The following CCNJL variants were observed in gnomAD, a reference collection of about 807,000 sequenced individuals.
CCNJL encodes the protein cyclin J like.
A neutral mutation model predicts 33.4 loss-of-function variants in CCNJL; 33 were observed. That is an observed-to-expected ratio of 0.99 (90% CI 0.75 to 1.32). The LOEUF is 1.32. CCNJL is among the 40% of genes most tolerant of loss of function. The pLI, the probability that CCNJL is intolerant of heterozygous loss-of-function variation, is 0.00. For missense variants in CCNJL, 512 were observed against 499.7 expected, an observed-to-expected ratio of 1.02 and a Z score of -0.23; for synonymous variants, 227 against 220.9, an observed-to-expected ratio of 1.03 and a Z score of -0.24.
At chr5:160,263,043 T>C (rs914719507) in intron 3 of CCNJL, among the ~76,000 whole-genome samples, 15 of 152,236 alleles carry the variant, frequency 9.9e-5, no homozygotes, top group African/African-American at 3.6e-4. Context: ...TGATGCACTT[T>C]TGATTTCGAA....
At chr5:160,331,643 G>A (rs1763610073) in intron 1 of CCNJL, among the ~76,000 whole-genome samples, 1 of 152,074 alleles carries the variant, frequency 6.6e-6, no homozygotes, top group South Asian at 2.1e-4. Context: ...TAACCCTCTT[G>A]ACTTTCTCAT....
At chr5:160,309,916 G>A (rs931975155) in intron 2 of CCNJL, among the ~76,000 whole-genome samples, 1 of 152,208 alleles carries the variant, frequency 6.6e-6, no homozygotes, top group African/African-American at 2.4e-5. Context: ...CAGCCCAATA[G>A]TAAACTCATA....
chr5:160,250,482 C>G lies in CCNJL; in HGVS notation c.*2896G>C, dbSNP rs17057562. The G allele has an allele frequency of 0.069, 10,578 of 152,344 alleles. 420 individuals are homozygous for G. Among genetic ancestry groups the G allele is most frequent in the Middle Eastern group, 0.18 (52 of 294 alleles). The allele number at this position is 152,344 out of a possible 1,614,324, so 9.4% of individuals were successfully genotyped here. On this transcript the variant is annotated 3_prime_UTR_variant, in exon 6 of 6. Coordinates refer to ENST00000257536, the MANE Select transcript of CCNJL (RefSeq NM_001308173.3). The stretch of plus-strand genomic sequence containing the variant: ...ATCTTCCCATTCCTCCCCTAATTGT[C>G]TAATCAAAGGCATCTGCACTTAGCA...
intron 3 of CCNJL, among the ~76,000 whole-genome samples, chr5:160,267,631 G>A (rs1487273847): frequency 6.6e-6 from 1 of 152,124 alleles, no homozygotes; most frequent in African/African-American, 2.4e-5. Context: ...TATCTGGGTG[G>A]AGGAACTTCC....
rs539466352 is a variant in CCNJL, at chr5:160,307,172, A to G, written c.66+4686T>C. Among the ~76,000 whole-genome samples the G allele has an allele frequency of 2.1e-3, 323 of 152,318 alleles. 3 individuals are homozygous for G. Among genetic ancestry groups the G allele is most frequent in the African/African-American group, 7.3e-3 (304 of 41,576 alleles). On this transcript the variant is annotated intron_variant, in intron 2 of 5. Coordinates refer to ENST00000257536, the MANE Select transcript of CCNJL (RefSeq NM_001308173.3). Reference sequence around the variant, plus strand: ...CTGTCTCACTCTTTTGTGCACTCCCAATGCCTGTGCCTGCATCAGGTGAGG... The same window carrying G: ...CTGTCTCACTCTTTTGTGCACTCCCGATGCCTGTGCCTGCATCAGGTGAGG...
At chr5:160,328,473 C>T (rs553950962) in intron 1 of CCNJL, among the ~76,000 whole-genome samples, 40 of 151,728 alleles carry the variant, frequency 2.6e-4, no homozygotes, top group East Asian at 9.7e-4. Flanking sequence ...AGAATAATGG[C>T]GGACTGGGCA....
At chr5:160,325,248 G>T (rs1449910049) in intron 1 of CCNJL, among the ~76,000 whole-genome samples, 4 of 152,082 alleles carry the variant, frequency 2.6e-5, no homozygotes, top group Non-Finnish European at 5.9e-5. Context: ...CTCCATTTTT[G>T]ATTGCTCCAT....
At chr5:160,322,869 C>T (rs771252089) in intron 1 of CCNJL, among the ~76,000 whole-genome samples, 85 of 151,024 alleles carry the variant, frequency 5.6e-4, no homozygotes, top group Admixed American at 2.0e-3. Context: ...GCCGAGATTG[C>T]GCTACTGCAC....
upstream of CCNJL, among the ~76,000 whole-genome samples, chr5:160,317,520 G>C (rs530685901): frequency 3.9e-5 from 6 of 152,278 alleles, no homozygotes; most frequent in African/African-American, 1.4e-4. Context: ...TTCTCTGTTT[G>C]CATGTACTAT....
At chr5:160,298,413 G>T (rs951960535) in intron 2 of CCNJL, among the ~76,000 whole-genome samples, 9 of 152,084 alleles carry the variant, frequency 5.9e-5, no homozygotes, top group African/African-American at 2.2e-4. Flanking sequence ...TTTGCGGGCT[G>T]CACAGCACAG....
At chr5:160,279,422 C>T (rs1023450242) in intron 3 of CCNJL, among the ~76,000 whole-genome samples, 2 of 152,216 alleles carry the variant, frequency 1.3e-5, no homozygotes, top group Admixed American at 1.3e-4. Flanking sequence ...GCCTGGCTCT[C>T]AAGGAACCAT....
At chr5:160,301,687 G>A (rs1244728421) in intron 2 of CCNJL, among the ~76,000 whole-genome samples, 3 of 149,806 alleles carry the variant, frequency 2.0e-5, no homozygotes, top group Non-Finnish European at 3.0e-5. Context: ...CACTTGCCTC[G>A]GCCTCCCAAA....
intron 3 of CCNJL, among the ~76,000 whole-genome samples, chr5:160,265,668 C>A (rs1431750483): frequency 6.6e-6 from 1 of 151,102 alleles, no homozygotes; most frequent in Admixed American, 6.6e-5. Flanking sequence ...CCCAGCCTGG[C>A]CAACATGGTG....
At chr5:160,310,595 C>T (rs1032208301) in intron 2 of CCNJL, among the ~76,000 whole-genome samples, 7 of 152,124 alleles carry the variant, frequency 4.6e-5, no homozygotes, top group African/African-American at 7.2e-5. Context: ...CTGTATTGGG[C>T]GCAGTAGTGT....
intron 1 of CCNJL, among the ~76,000 whole-genome samples, chr5:160,323,757 G>A (rs1174772467): frequency 6.6e-6 from 1 of 152,194 alleles, no homozygotes; most frequent in African/African-American, 2.4e-5. Context: ...GTGGACTGAG[G>A]GAAGCTGACT....
chr5:160,294,011 C>T (rs1215353001), intron 2 of CCNJL, among the ~76,000 whole-genome samples: 22 of 152,104 alleles, frequency 1.4e-4, no homozygotes, highest in Non-Finnish European at 2.9e-5. Context: ...TGGGTTGAGA[C>T]AACAGCTAGA....
At position 160,255,534 on chromosome 5, in the gene CCNJL, A is replaced by G. The variant is rs763151064; in HGVS notation, c.743+15T>C. 5.6e-6 allele frequency: 9 copies of G among 1,613,136 alleles called. No homozygotes were observed. Among genetic ancestry groups the G allele is most frequent in the Non-Finnish European group, 6.8e-6 (8 of 1,179,238 alleles). The stretch of plus-strand genomic sequence containing the variant: ...TCACTATTTCAGAAACACAGGATTC[A>G]GGGGAGAAACTTACACCAGCAGGAT... On this transcript the variant is annotated intron_variant, in intron 5 of 5. Transcript: ENST00000257536.
intron 4 of CCNJL, among the ~76,000 whole-genome samples, chr5:160,257,434 C>G (rs1295739172): frequency 6.6e-6 from 1 of 151,906 alleles, no homozygotes; most frequent in African/African-American, 2.4e-5. Flanking sequence ...AAGATCGTGC[C>G]ACTACACTCC....
At chr5:160,296,458 A>C (rs528608457) in intron 2 of CCNJL, among the ~76,000 whole-genome samples, 3 of 152,182 alleles carry the variant, frequency 2.0e-5, no homozygotes, top group Admixed American at 6.5e-5. Context: ...TTTTGACCCT[A>C]TTGTCTACAA....
Sources: gnomAD v4.1 joint callset for allele counts (sites outside exome capture counted in the v4.1 genomes callset) on GRCh38, gnomAD v4.1.1 for gene constraint, MANE v1.5 for transcripts, NCBI Gene and HGNC (gene_info 2026-07-23, HGNC 2026-07-21) for gene names.